Variants in MYO1D observed in about 807,000 individuals in gnomAD.
MYO1D encodes the protein unconventional myosin-Id.
MYO1D carries 83 observed loss-of-function variants against 122.0 expected under a neutral mutation model. The ratio of observed to expected loss-of-function variants is 0.68; its 90% CI spans 0.57 to 0.82. The LOEUF (loss-of-function observed/expected upper bound fraction) is 0.82, where lower values mean the gene tolerates loss of function less well. Among genes scored for constraint, MYO1D ranks in the 40% least tolerant of loss-of-function variants. The pLI, the probability that MYO1D is intolerant of heterozygous loss-of-function variation, is 0.00. For missense variants in MYO1D, 1,157 were observed against 1,269.5 expected, an observed-to-expected ratio of 0.91 and a Z score of 1.35; for synonymous variants, 464 against 446.9, an observed-to-expected ratio of 1.04 and a Z score of -0.48.
chr17:32,738,423 C>A (rs201086196), intron 13 of MYO1D, 38 bp from the exon 14 acceptor site: 3 of 1,524,234 alleles, frequency 2.0e-6, no homozygotes, highest in Non-Finnish European at 2.6e-6. Context: ...ATGTCACATT[C>A]AAATAAGCTG....
chr17:32,535,553 C>T (rs1910636905), intron 21 of MYO1D, among the ~76,000 whole-genome samples: 1 of 152,174 alleles, frequency 6.6e-6, no homozygotes, highest in African/African-American at 2.4e-5. Flanking sequence ...CAAGACCAGC[C>T]TGGCCAACAT....
intron 21 of MYO1D, among the ~76,000 whole-genome samples, chr17:32,570,809 T>C (rs2087218943): frequency 6.6e-6 from 1 of 152,224 alleles, no homozygotes; most frequent in Non-Finnish European, 1.5e-5. Flanking sequence ...AATGCCAAGT[T>C]CTGGGTTCTA....
intron 21 of MYO1D, among the ~76,000 whole-genome samples, chr17:32,520,464 T>C (rs1407825374): frequency 6.6e-6 from 1 of 152,194 alleles, no homozygotes; most frequent in East Asian, 1.9e-4. Context: ...GGCAGGAACA[T>C]AGGTCTTTTT....
chr17:32,495,554 G>C (rs560392616), intron 21 of MYO1D: 1 of 152,442 alleles, frequency 6.6e-6, no homozygotes. Flanking sequence ...GGCTTCAGCC[G>C]GGCGTCCGGC....
In MYO1D at chr17:32,805,023, G is replaced by A. The variant is rs1354295343; in HGVS notation, c.96-24239C>T. Among the ~76,000 whole-genome samples, 11 of 152,280 alleles carry A rather than the reference G, an allele frequency of 7.2e-5. No homozygotes were observed. The South Asian group carries it at 2.1e-3, about 29-fold the overall frequency. On this transcript the variant is annotated intron_variant, in intron 1 of 21. Coordinates refer to ENST00000318217, the MANE Select transcript of MYO1D (RefSeq NM_015194.3). ...CAAAATATTATTTGCACTGTATTAA[G>A]AGGTAGGGCCTTTGGGAGGTGATTA...
chr17:32,552,059 C>T (rs191541557), intron 21 of MYO1D, among the ~76,000 whole-genome samples: 1 of 152,280 alleles, frequency 6.6e-6, no homozygotes, highest in Admixed American at 6.5e-5. Context: ...TGCAGTCAAG[C>T]TTTACTTATG....
intron 21 of MYO1D, among the ~76,000 whole-genome samples, chr17:32,543,614 A>AAAAT (rs1220363455): frequency 5.3e-5 from 8 of 150,132 alleles, no homozygotes; most frequent in African/African-American, 1.9e-4. Context: ...AATAAAAATA[A>AAAAT]AAATAAATAA....
chr17:32,598,688 T>C (rs2087526824), intron 21 of MYO1D, among the ~76,000 whole-genome samples: 1 of 152,342 alleles, frequency 6.6e-6, no homozygotes. Context: ...GGTTTTCCAG[T>C]GCATATAAAA....
chr17:32,711,892 C>T (rs2089380972), intron 16 of MYO1D, 96 bp downstream of exon 16: 2 of 1,057,202 alleles, frequency 1.9e-6, no homozygotes, highest in Admixed American at 2.6e-5. Context: ...AACAACATAT[C>T]TTCCAGGAAT....
intron 1 of MYO1D, among the ~76,000 whole-genome samples, chr17:32,864,265 T>A (rs1037274108): frequency 3.3e-5 from 5 of 151,890 alleles, no homozygotes; most frequent in Non-Finnish European, 7.4e-5. Context: ...GGCACCTCCA[T>A]GACCCAGGAC....
chr17:32,793,610 T>A (rs576037167), intron 1 of MYO1D, among the ~76,000 whole-genome samples: 9 of 152,082 alleles, frequency 5.9e-5, no homozygotes, highest in African/African-American at 2.2e-4. Flanking sequence ...TTTATTTTGA[T>A]CTTTTGTTAA....
chr17:32,600,533 A>G (rs2087550005), intron 21 of MYO1D, among the ~76,000 whole-genome samples: 1 of 152,178 alleles, frequency 6.6e-6, no homozygotes, highest in South Asian at 2.1e-4. Context: ...CTTCTCCATC[A>G]TCACTTGCTG....
At chr17:32,838,064 C>A (rs982620199) in intron 1 of MYO1D, among the ~76,000 whole-genome samples, 1 of 152,076 alleles carries the variant, frequency 6.6e-6, no homozygotes, top group Non-Finnish European at 1.5e-5. Context: ...GTAGTTGGAT[C>A]GGTGATCACA....
intron 1 of MYO1D, among the ~76,000 whole-genome samples, chr17:32,812,552 T>A (rs1359757268): frequency 1.3e-5 from 2 of 152,138 alleles, no homozygotes; most frequent in Non-Finnish European, 2.9e-5. Flanking sequence ...TACACTTAAG[T>A]TAGAGGAAGT....
chr17:32,656,556 G>C (rs2088479339), intron 17 of MYO1D, among the ~76,000 whole-genome samples: 1 of 152,200 alleles, frequency 6.6e-6, no homozygotes, highest in Admixed American at 6.5e-5. Context: ...GGAATGGCTG[G>C]CTGCAGTGAG....
At chr17:32,865,638 T>C (rs952391366) in intron 1 of MYO1D, among the ~76,000 whole-genome samples, 2 of 152,218 alleles carry the variant, frequency 1.3e-5, no homozygotes, top group Admixed American at 6.5e-5. Context: ...GCAGAATAGC[T>C]TTACTAGAGT....
intron 1 of MYO1D, among the ~76,000 whole-genome samples, chr17:32,867,417 C>T (rs2091136891): frequency 6.6e-6 from 1 of 151,970 alleles, no homozygotes; most frequent in African/African-American, 2.4e-5. Context: ...ATCTCTTACT[C>T]CCAATTAAGC....
chr17:32,574,126 AC>A (rs1331548085), intron 21 of MYO1D, among the ~76,000 whole-genome samples: 11 of 152,152 alleles, frequency 7.2e-5, no homozygotes, highest in African/African-American at 2.4e-4. Flanking sequence ...TGCTGGGATT[AC>A]AGGTGTGAGC....
At chr17:32,561,802 G>C (rs2087128879) in intron 21 of MYO1D, among the ~76,000 whole-genome samples, 1 of 151,316 alleles carries the variant, frequency 6.6e-6, no homozygotes, top group Non-Finnish European at 1.5e-5. Flanking sequence ...TTAATATTTT[G>C]ACATATTAAC....
Sources: allele counts gnomAD v4.1 joint callset (sites outside exome capture counted in the v4.1 genomes callset), GRCh38; gene constraint gnomAD v4.1.1; transcripts MANE v1.5; gene names NCBI Gene and HGNC (gene_info 2026-07-23, HGNC 2026-07-21).